OTULIN: variants seen among roughly 807,000 people sequenced by gnomAD.
The protein encoded by OTULIN is OTU deubiquitinase with linear linkage specificity.
OTULIN carries 15 observed loss-of-function variants against 39.6 expected under a neutral mutation model. The observed-to-expected ratio is 0.38, with a 90% CI of 0.25 to 0.58. The LOEUF is 0.58. OTULIN is among the 20% of genes least tolerant of loss of function. The probability of loss-of-function intolerance (pLI) is 0.66; values close to 1 mark genes in which losing one functional copy is unlikely to be tolerated. For missense variants in OTULIN, 319 were observed against 445.9 expected, an observed-to-expected ratio of 0.72 and a Z score of 2.56; for synonymous variants, 156 against 170.3, an observed-to-expected ratio of 0.92 and a Z score of 0.65.
At chr5:14,702,588 GGCATGATAAAAA>G (rs1271967037), downstream of OTULIN, among the ~76,000 whole-genome samples, 2 of 152,144 alleles carry the variant, frequency 1.3e-5, no homozygotes, top group Non-Finnish European at 2.9e-5. Flanking sequence ...TGGCCTTGCT[GGCATGATAAAAA>G]GCATGAGGAA....
chr5:14,711,244 T>TCGGAGGCATGTCTGTCATGG, the OTULIN span: 3 of 1,614,132 alleles, frequency 1.9e-6, no homozygotes, highest in Non-Finnish European at 2.5e-6. Flanking sequence ...ACCTCCTCTG[T>TCGGAGGCATGTCTGTCATGG]CGGAGGCATG....
At chr5:14,705,851 AC>A in the OTULIN span, 1 of 152,142 alleles carries the variant, frequency 6.6e-6, no homozygotes, top group Admixed American at 6.6e-5. Flanking sequence ...TTTCATTCAA[AC>A]CGTGGGTCCC....
Position 14,692,857 on chromosome 5 carries a change from GA to G in OTULIN, c.871del (p.Met291CysfsTer40). ...ACCCGTTTGCTCTTCTTCCCAGGTT[GA>G]AATGTTCCTTCTTGCCTATGCTGTG... ...VGHTGGLEQV[E>X]MFLLAYAVRH... On this transcript the variant is annotated frameshift_variant, in exon 7 of 7. Coordinates refer to ENST00000284274, the MANE Select transcript of OTULIN (RefSeq NM_138348.6). LOFTEE classifies it high-confidence loss of function. The G allele has an allele frequency of 6.2e-7, 1 of 1,613,502 alleles. No individual in the cohort carries two copies.
At chr5:14,711,424 A>G in the OTULIN span, 13 of 863,202 alleles carry the variant, frequency 1.5e-5, no homozygotes, top group African/African-American at 1.8e-4. Flanking sequence ...GTAGGCTTAA[A>G]CCTTCTTATG....
intron 1 of OTULIN, among the ~76,000 whole-genome samples, chr5:14,670,015 T>G (rs1160744088): frequency 6.6e-6 from 1 of 152,222 alleles, no homozygotes; most frequent in Non-Finnish European, 1.5e-5. Flanking sequence ...TAGAACTTAC[T>G]CCTTCTATCC....
At chr5:14,685,155 C>A (rs1475924585) in intron 4 of OTULIN, among the ~76,000 whole-genome samples, 1 of 152,204 alleles carries the variant, frequency 6.6e-6, no homozygotes, top group East Asian at 1.9e-4. Context: ...ACTGGTTAGA[C>A]TGTGACAGTG....
intron 1 of OTULIN, among the ~76,000 whole-genome samples, chr5:14,667,804 G>T (rs1465303543): frequency 6.6e-6 from 1 of 152,174 alleles, no homozygotes; most frequent in Non-Finnish European, 1.5e-5. Flanking sequence ...CCTAAGGATG[G>T]CTTGAAACAT....
At chr5:14,677,713 C>T (rs1056910366) in intron 2 of OTULIN, among the ~76,000 whole-genome samples, 1 of 152,050 alleles carries the variant, frequency 6.6e-6, no homozygotes, top group Non-Finnish European at 1.5e-5. Flanking sequence ...GATTAACAAA[C>T]ATGGAGAGTT....
the OTULIN span, among the ~76,000 whole-genome samples, chr5:14,713,904 G>A: frequency 6.6e-6 from 1 of 152,242 alleles, no homozygotes; most frequent in African/African-American, 2.4e-5. This position sits in a 1 kb window ranked among gnomAD's most constrained non-coding sequence, Gnocchi z 4.4. Context: ...CTGGGACCAG[G>A]CAGGCTCCTT....
At chr5:14,702,311 A>G (rs1167446576), downstream of OTULIN, among the ~76,000 whole-genome samples, 2 of 151,798 alleles carry the variant, frequency 1.3e-5, no homozygotes, top group Non-Finnish European at 1.5e-5. Flanking sequence ...GCCCCTGGGG[A>G]GATGTTGGGA....
downstream of OTULIN, among the ~76,000 whole-genome samples, chr5:14,702,207 C>A (rs1296962500): frequency 3.3e-5 from 5 of 152,082 alleles, no homozygotes; most frequent in African/African-American, 1.2e-4. Flanking sequence ...GGTGGGTGCT[C>A]CTGTGACTCC....
the OTULIN span, chr5:14,710,456 C>T: frequency 1.3e-5 from 2 of 152,600 alleles, 1 homozygote; most frequent in Admixed American, 1.3e-4. Flanking sequence ...GGGGTGAGAA[C>T]TGACAGCTTG....
the OTULIN span, among the ~76,000 whole-genome samples, chr5:14,715,706 G>A: frequency 1.8e-3 from 281 of 152,270 alleles, 1 homozygote; most frequent in Non-Finnish European, 3.2e-3. Context: ...TCCATATGAC[G>A]ATACAGACAT....
the OTULIN span, among the ~76,000 whole-genome samples, chr5:14,714,916 G>T: frequency 6.6e-6 from 1 of 152,228 alleles, no homozygotes; most frequent in African/African-American, 2.4e-5. Flanking sequence ...TTAACTGCAT[G>T]TGTCTCAATC....
rs1023278452 is a variant in OTULIN, at chr5:14,694,657, C to G, written c.*1609C>G. 2 of 152,612 alleles carry G rather than the reference C, an allele frequency of 1.3e-5. No individual in the cohort carries two copies. Among genetic ancestry groups the G allele is most frequent in the African/African-American group, 4.8e-5 (2 of 41,432 alleles). 9.5% of individuals were successfully genotyped at this position (152,612 alleles called of 1,614,324 possible). On this transcript the variant is annotated 3_prime_UTR_variant, in exon 7 of 7. Coordinates refer to ENST00000284274, the MANE Select transcript of OTULIN (RefSeq NM_138348.6). ...ATTCAGACTGTTACTTTAGCTTTCT[C>G]CCATTACCTCATCAGTAATATTCAC...
rs538260828 is a variant in OTULIN at position 14,684,328 on chromosome 5, C to T, written c.468+2721C>T. Among the ~76,000 whole-genome samples, 16 of 152,350 alleles carry T rather than the reference C, an allele frequency of 1.1e-4. No individual in the cohort carries two copies. The South Asian group carries it at 1.9e-3, about 18-fold the overall frequency. ...TTGTCCTTGTGTTGCTGTTCCAGCC[C>T]TCAGCAATTTAACATAGTTTGAAAA... On this transcript the variant is annotated intron_variant, in intron 4 of 6. Coordinates refer to ENST00000284274, the MANE Select transcript of OTULIN (RefSeq NM_138348.6).
In OTULIN at chr5:14,690,292, C is replaced by G. The variant is rs1736492381; in HGVS notation, c.848C>G (p.Thr283Ser). Residue 283 changes from threonine (T) to serine (S), a missense_variant, in exon 6 of 7, where the codon ACT becomes AGT. Physicochemically the swap from Thr to Ser is moderately conservative, Grantham distance 58. This residue lies in a region of OTULIN where 106 missense variants were observed against 192.8 expected (regional missense o/e 0.55). Coordinates refer to ENST00000284274, the MANE Select transcript of OTULIN (RefSeq NM_138348.6). The surrounding 1 kb of genome is among the most constrained non-coding windows in gnomAD (Gnocchi z 4.5). ...LRNHLNQVGH[T>S]GGLEQVEMFL... The stretch of plus-strand genomic sequence containing the variant: ...AACCACCTCAACCAGGTGGGACACA[C>G]TGGTGGTCTTGAACAGGTAAGTTGT... The G allele has an allele frequency of 1.9e-6, 3 of 1,613,966 alleles. No individual in the cohort carries two copies. Among genetic ancestry groups the G allele is most frequent in the African/African-American group, 2.7e-5 (2 of 74,934 alleles).
At chr5:14,711,616 C>T in the OTULIN span, among the ~76,000 whole-genome samples, 2 of 152,354 alleles carry the variant, frequency 1.3e-5, no homozygotes. Context: ...CTGCGCTCTC[C>T]CCGACTCCTC....
intron 1 of OTULIN, among the ~76,000 whole-genome samples, chr5:14,671,547 G>A (rs141292557): frequency 2.0e-5 from 3 of 152,286 alleles, no homozygotes; most frequent in Non-Finnish European, 2.9e-5. Flanking sequence ...AGAGAAGAAC[G>A]AACACATTTG....
Sources: allele counts gnomAD v4.1 joint callset (sites outside exome capture counted in the v4.1 genomes callset), GRCh38; gene constraint gnomAD v4.1.1; regional missense constraint gnomAD v4.1.1; non-coding constraint Gnocchi (gnomAD v3.1); transcripts MANE v1.5; gene names NCBI Gene and HGNC (gene_info 2026-07-23, HGNC 2026-07-21).